ACTN4: variants seen among roughly 807,000 people sequenced by gnomAD.
ACTN4 encodes the protein alpha-actinin-4.
In ACTN4, 18 loss-of-function variants were observed where a neutral mutation model predicts 114.2. The observed-to-expected ratio is 0.16, with a 90% CI of 0.11 to 0.23. The LOEUF is 0.23. Ranked by LOEUF, ACTN4 falls within the 10% of genes least tolerant of loss-of-function variation. ACTN4 has a pLI of 1.00. For missense variants in ACTN4, 722 were observed against 1,262.9 expected (o/e 0.57, Z 6.49); for synonymous variants, 515 against 506.3 (o/e 1.02, Z -0.23).
rs1969264457 is a variant in ACTN4 at position 38,727,184 on chromosome 19, G to A, written c.2337+81G>A. On this transcript the variant is annotated intron_variant, in intron 18 of 20. Coordinates refer to ENST00000252699, the MANE Select transcript of ACTN4 (RefSeq NM_004924.6). The surrounding 1 kb of genome is among the most constrained non-coding windows in gnomAD (Gnocchi z 5.4). Reference sequence around the variant, plus strand: ...CACACCTTCGTCTCTGCATCTGTTCGTCCATTCCCATCACAGTTGCTGAGC... The same window carrying A: ...CACACCTTCGTCTCTGCATCTGTTCATCCATTCCCATCACAGTTGCTGAGC... 3.2e-5 allele frequency: 52 copies of A among 1,600,820 alleles called. 1 individual carries two copies. The South Asian group carries it at 4.7e-4, about 14-fold the overall frequency.
chr19:38,705,990 A>T, intron 4 of ACTN4, 54 bp from the exon 5 acceptor site: 1 of 1,591,884 alleles, frequency 6.3e-7, no homozygotes, highest in South Asian at 1.1e-5. Flanking sequence ...ACTTGGGCTG[A>T]GTTCTGAGGG....
intron 1 of ACTN4, among the ~76,000 whole-genome samples, chr19:38,671,761 C>T (rs1967135336): frequency 6.6e-6 from 1 of 152,102 alleles, no homozygotes. Context: ...TATCAAACTT[C>T]GCATTTGGAG....
intron 1 of ACTN4, among the ~76,000 whole-genome samples, chr19:38,648,821 A>T (rs911469921): frequency 1.3e-5 from 2 of 151,984 alleles, no homozygotes; most frequent in East Asian, 3.9e-4. Flanking sequence ...ATTGATGGGA[A>T]GCTGAAAAGC....
chr19:38,653,773 C>T (rs1976634950), intron 1 of ACTN4, among the ~76,000 whole-genome samples: 1 of 152,146 alleles, frequency 6.6e-6, no homozygotes, highest in South Asian at 2.1e-4. Context: ...GTTTTTTCCT[C>T]CGTTTCTTTT....
At chr19:38,649,188 G>C (rs1257112094) in intron 1 of ACTN4, among the ~76,000 whole-genome samples, 2 of 145,968 alleles carry the variant, frequency 1.4e-5, no homozygotes, top group Non-Finnish European at 3.0e-5. Context: ...TTGGGGGGCG[G>C]GGGGGGCAAC....
At chr19:38,666,742 C>T (rs1275849547) in intron 1 of ACTN4, among the ~76,000 whole-genome samples, 2 of 152,206 alleles carry the variant, frequency 1.3e-5, no homozygotes, top group Non-Finnish European at 1.5e-5. Flanking sequence ...GTGGGGCCCC[C>T]AGAAATCTGT....
At chr19:38,728,452 C>CT in intron 19 of ACTN4, 42 of 1,032,788 alleles carry the variant, frequency 4.1e-5, no homozygotes, top group Non-Finnish European at 5.2e-5. Context: ...TCCTCCTCCC[C>CT]CCCACCTCTC....
At chr19:38,667,869 G>T (rs1028588279) in intron 1 of ACTN4, among the ~76,000 whole-genome samples, 1 of 152,154 alleles carries the variant, frequency 6.6e-6, no homozygotes, top group Non-Finnish European at 1.5e-5. Flanking sequence ...AGTCTAAGAG[G>T]TATAAACACA....
At chr19:38,651,812 C>G (rs1976570953) in intron 1 of ACTN4, among the ~76,000 whole-genome samples, 1 of 151,952 alleles carries the variant, frequency 6.6e-6, no homozygotes, top group African/African-American at 2.4e-5. Flanking sequence ...CTTGGCTCAC[C>G]ACAACCTCTT....
At chr19:38,659,264 TTGG>T (rs1479052482) in intron 1 of ACTN4, among the ~76,000 whole-genome samples, 1 of 152,018 alleles carries the variant, frequency 6.6e-6, no homozygotes. Context: ...TTTCACCATG[TTGG>T]CCAGGCTGGT....
intron 1 of ACTN4, among the ~76,000 whole-genome samples, chr19:38,699,383 C>T (rs967164241): frequency 6.6e-6 from 1 of 152,190 alleles, no homozygotes; most frequent in Non-Finnish European, 1.5e-5. Context: ...TCCTTAGATG[C>T]GGCTGCCTGA....
intron 1 of ACTN4, among the ~76,000 whole-genome samples, chr19:38,672,280 G>A (rs957959534): frequency 4.6e-5 from 6 of 129,478 alleles, no homozygotes; most frequent in Non-Finnish European, 6.2e-5. Context: ...TTTCTCTGTC[G>A]CCTAGGCTGG....
chr19:38,694,171 G>A (rs7251903), intron 1 of ACTN4, among the ~76,000 whole-genome samples: 52,361 of 151,900 alleles, frequency 0.34, 10,860 homozygotes, highest in Non-Finnish European at 0.46. Flanking sequence ...CACCTTTTGC[G>A]AAGCGGGTGA....
intron 8 of ACTN4, 147 bp downstream of exon 8, chr19:38,710,489 G>C (rs1318883215): frequency 1.2e-6 from 1 of 837,380 alleles, no homozygotes; most frequent in African/African-American, 1.7e-5. Flanking sequence ...TGGCGTTGCT[G>C]CCCCCTCAGC....
intron 1 of ACTN4, among the ~76,000 whole-genome samples, chr19:38,659,572 C>T (rs866880836): frequency 1.9e-4 from 29 of 152,150 alleles, no homozygotes; most frequent in Non-Finnish European, 2.5e-4. Flanking sequence ...AGACTCACAG[C>T]GCACCGAGTT....
chr19:38,673,906 T>C, intron 1 of ACTN4, among the ~76,000 whole-genome samples: 1 of 147,846 alleles, frequency 6.8e-6, no homozygotes, highest in East Asian at 2.0e-4. Context: ...CTCAGCCTCC[T>C]GAGTAGCTGG....
chr19:38,654,504 G>A lies in ACTN4; in HGVS notation c.162+6597G>A, dbSNP rs1278922307. 7.3e-5 allele frequency among the ~76,000 whole-genome samples: 11 copies of A among 150,348 alleles called. No individual in the cohort carries two copies. The Admixed American group carries it at 7.3e-4, about 10-fold the overall frequency. ...TCAAACCTGGAAGGTGGAGGTTGCAGTCAGCTGAGATCACGCCACTGCACT... is the reference window on the plus strand; with the variant it reads ...TCAAACCTGGAAGGTGGAGGTTGCAATCAGCTGAGATCACGCCACTGCACT... On this transcript the variant is annotated intron_variant, in intron 1 of 20. Transcript: ENST00000252699.
intron 1 of ACTN4, among the ~76,000 whole-genome samples, chr19:38,653,845 CACTG>C (rs1976637511): frequency 6.6e-6 from 1 of 152,182 alleles, no homozygotes; most frequent in Non-Finnish European, 1.5e-5. Flanking sequence ...GTAACTGAAG[CACTG>C]ACCTGTTACA....
chr19:38,729,034 C>T lies in ACTN4; in HGVS notation c.2457C>T (p.Asp819=), dbSNP rs1969372928. 11 of 1,613,514 alleles carry T rather than the reference C, an allele frequency of 6.8e-6. No homozygotes were observed. The East Asian group carries it at 2.5e-4, about 36-fold the overall frequency. Residue 819 remains aspartate (D), a synonymous_variant, in exon 20 of 21, where the codon GAC becomes GAT. Coordinates refer to ENST00000252699, the MANE Select transcript of ACTN4 (RefSeq NM_004924.6). ...AEFNRIMSLV[D]PNHSGLVTFQ... is the part of the protein sequence containing the mutation. ...TCAACCGCATCATGAGCCTGGTCGA[C>T]CCCAACCATAGCGGCCTTGTGACCT...
Sources: gnomAD v4.1 joint callset for allele counts (sites outside exome capture counted in the v4.1 genomes callset) on GRCh38, gnomAD v4.1.1 for gene constraint, Gnocchi (gnomAD v3.1) non-coding constraint, MANE v1.5 for transcripts, NCBI Gene and HGNC (gene_info 2026-07-23, HGNC 2026-07-21) for gene names.